The following STAU2 variants were observed in gnomAD, a reference collection of about 807,000 sequenced individuals.
STAU2 encodes staufen double-stranded RNA binding protein 2.
In STAU2, 20 loss-of-function variants were observed where a neutral mutation model predicts 65.9. The ratio of observed to expected loss-of-function variants is 0.30; its 90% CI spans 0.21 to 0.44. The LOEUF (loss-of-function observed/expected upper bound fraction) is 0.44. Ranked by LOEUF, STAU2 falls within the 20% of genes least tolerant of loss-of-function variation. The pLI is 1.00. For synonymous variants in STAU2, 232 were observed against 233.9 expected, an observed-to-expected ratio of 0.99 and a Z score of 0.07; for missense variants, 558 against 683.9, an observed-to-expected ratio of 0.82 and a Z score of 2.05.
At chr8:73,628,075 T>C (rs1286511343) in intron 6 of STAU2, among the ~76,000 whole-genome samples, 2 of 148,156 alleles carry the variant, frequency 1.3e-5, no homozygotes, top group Admixed American at 6.7e-5. Context: ...TTTTTTAAAA[T>C]GTAAGTTTTT....
chr8:73,619,348 T>C (rs1813060524), intron 6 of STAU2, among the ~76,000 whole-genome samples: 1 of 152,184 alleles, frequency 6.6e-6, no homozygotes, highest in Admixed American at 6.5e-5. Flanking sequence ...TCGATTTTGA[T>C]GGAATGGTGG....
intron 9 of STAU2, among the ~76,000 whole-genome samples, chr8:73,604,416 G>C (rs1811863566): frequency 6.6e-6 from 1 of 151,998 alleles, no homozygotes; most frequent in Admixed American, 6.6e-5. Context: ...TTTTAGTAGA[G>C]ATGGGGTTTC....
At chr8:73,747,158 G>A (rs1807347437), upstream of STAU2, 2 of 484,376 alleles carry the variant, frequency 4.1e-6, no homozygotes, top group South Asian at 6.8e-5. Flanking sequence ...CTGGGCCCCT[G>A]GGCGAGGGCC....
intron 13 of STAU2, among the ~76,000 whole-genome samples, chr8:73,461,416 G>A (rs1433369391): frequency 1.3e-5 from 2 of 152,006 alleles, no homozygotes; most frequent in Admixed American, 6.6e-5. Context: ...GGGCTCAGAG[G>A]AGTAATACAG....
chr8:73,617,494 C>T (rs1812913189), intron 6 of STAU2, 43 bp from the exon 7 acceptor site: 2 of 1,553,998 alleles, frequency 1.3e-6, no homozygotes, highest in Non-Finnish European at 1.8e-6. Context: ...CTTAATAAAA[C>T]CACTCTATAA....
chr8:73,691,200 T>G (rs1819302264), intron 4 of STAU2, among the ~76,000 whole-genome samples: 1 of 151,958 alleles, frequency 6.6e-6, no homozygotes, highest in Non-Finnish European at 1.5e-5. Context: ...AGGTAAAAGG[T>G]CAAACAAAAC....
At chr8:73,671,513 A>T (rs1817675480) in intron 6 of STAU2, among the ~76,000 whole-genome samples, 1 of 152,168 alleles carries the variant, frequency 6.6e-6, no homozygotes, top group Admixed American at 6.5e-5. Context: ...ATTAGTACAA[A>T]CTTTAGTGCA....
intron 6 of STAU2, among the ~76,000 whole-genome samples, chr8:73,658,241 G>C (rs913901325): frequency 1.3e-5 from 2 of 152,058 alleles, no homozygotes; most frequent in African/African-American, 4.8e-5. Flanking sequence ...GGTGGCCCAC[G>C]CCTGTAGTCC....
At chr8:73,665,052 C>A (rs1307216276) in intron 6 of STAU2, among the ~76,000 whole-genome samples, 1 of 152,146 alleles carries the variant, frequency 6.6e-6, no homozygotes, top group Non-Finnish European at 1.5e-5. Context: ...TAAGTTCACT[C>A]TTCCTCATCC....
At chr8:73,667,773 G>T (rs1050855691) in intron 6 of STAU2, among the ~76,000 whole-genome samples, 1 of 152,204 alleles carries the variant, frequency 6.6e-6, no homozygotes, top group Non-Finnish European at 1.5e-5. Flanking sequence ...TCTGCTGAAT[G>T]AAGATGACCT....
At chr8:73,613,538 G>T (rs1248006992) in intron 9 of STAU2, among the ~76,000 whole-genome samples, 2 of 152,176 alleles carry the variant, frequency 1.3e-5, no homozygotes, top group East Asian at 1.9e-4. Context: ...AAGGTATTAT[G>T]ATTATTTGAT....
intron 13 of STAU2, among the ~76,000 whole-genome samples, chr8:73,507,246 A>G (rs927175947): frequency 2.2e-4 from 34 of 152,014 alleles, no homozygotes; most frequent in Admixed American, 3.9e-4. Context: ...TGGAAGCCAT[A>G]GTGTTAAAAA....
chr8:73,434,821 C>T (rs1416226621), intron 13 of STAU2, among the ~76,000 whole-genome samples: 1 of 151,862 alleles, frequency 6.6e-6, no homozygotes, highest in East Asian at 1.9e-4. Flanking sequence ...CAGCCCATTG[C>T]TCTCTCACTT....
chr8:73,495,868 C>T (rs1264628929), intron 13 of STAU2, among the ~76,000 whole-genome samples: 2 of 151,282 alleles, frequency 1.3e-5, no homozygotes, highest in Non-Finnish European at 3.0e-5. Context: ...AGACTGTCCA[C>T]CTCAAGTTTG....
Position 73,576,961 on chromosome 8 carries a change from T to C in STAU2, c.1222+5809A>G, listed in dbSNP as rs570393925. On this transcript the variant is annotated intron_variant, in intron 12 of 14. Coordinates refer to ENST00000524300, the MANE Select transcript of STAU2 (RefSeq NM_001164380.2). ...TTTGAAAAGACTAATTTTAAACACC[T>C]TTTGATCCCCATAGACCTCTTAGAA... Among the ~76,000 whole-genome samples, 41 of 152,332 alleles carry C rather than the reference T, an allele frequency of 2.7e-4. 1 individual carries two copies. In the South Asian group the frequency reaches 8.5e-3, roughly 32 times the overall value.
intron 13 of STAU2, among the ~76,000 whole-genome samples, chr8:73,532,236 G>C (rs1173651473): frequency 6.6e-6 from 1 of 152,164 alleles, no homozygotes; most frequent in African/African-American, 2.4e-5. Context: ...ACAGATAGCA[G>C]TCCCTGAAGG....
chr8:73,484,138 G>A (rs1178923814), intron 13 of STAU2, among the ~76,000 whole-genome samples: 5 of 152,138 alleles, frequency 3.3e-5, no homozygotes, highest in African/African-American at 1.2e-4. Flanking sequence ...TCAAGTCCCT[G>A]TGTTCCTATC....
At chr8:73,520,245 T>C (rs1005218381) in intron 13 of STAU2, among the ~76,000 whole-genome samples, 1 of 152,250 alleles carries the variant, frequency 6.6e-6, no homozygotes, top group African/African-American at 2.4e-5. Flanking sequence ...AACACCCATG[T>C]GGCTACTGAG....
chr8:73,526,008 C>G (rs1299354178), intron 13 of STAU2, among the ~76,000 whole-genome samples: 1 of 152,208 alleles, frequency 6.6e-6, no homozygotes, highest in African/African-American at 2.4e-5. Context: ...CAGGTTCCTA[C>G]TGCACTCTCT....
Sources: gnomAD v4.1 joint callset for allele counts (sites outside exome capture counted in the v4.1 genomes callset) on GRCh38, gnomAD v4.1.1 for gene constraint, MANE v1.5 for transcripts, NCBI Gene and HGNC (gene_info 2026-07-23, HGNC 2026-07-21) for gene names.